The following CNOT6L variants were observed in gnomAD, a reference collection of about 807,000 sequenced individuals.
CNOT6L encodes the protein CCR4-NOT transcription complex subunit 6 like.
CNOT6L carries 7 observed loss-of-function variants against 64.0 expected under a neutral mutation model. The ratio of observed to expected loss-of-function variants is 0.11; its 90% CI spans 0.06 to 0.21. CNOT6L has a LOEUF of 0.21. Ranked by LOEUF, CNOT6L falls within the 10% of genes least tolerant of loss-of-function variation. The pLI is 1.00. For missense variants in CNOT6L, 245 were observed against 669.0 expected (o/e 0.37, Z 6.99); for synonymous variants, 193 against 243.4 (o/e 0.79, Z 1.93).
chr4:77,726,430 G>C, intron 10 of CNOT6L, 61 bp from the exon 11 acceptor site: 1 of 1,314,516 alleles, frequency 7.6e-7, no homozygotes, highest in Admixed American at 2.1e-5. Flanking sequence ...AGGCTTCACA[G>C]CCAAGACTTG....
chr4:77,737,406 C>CTTTTTTTTTTTTTTTTTTTTTTTTTT (rs56952956), intron 8 of CNOT6L, among the ~76,000 whole-genome samples: 2 of 82,382 alleles, frequency 2.4e-5, no homozygotes, highest in African/African-American at 9.5e-5. Flanking sequence ...TTGTACCGTT[C>CTTTTTTTTTTTTTTTTTTTTTTTTTT]TTTTTTTTTT....
rs189775445 is a variant in CNOT6L, at chr4:77,798,550, T to C, written c.5+20754A>G. On this transcript the variant is annotated intron_variant, in intron 1 of 11. Transcript: ENST00000504123. ...TAGAGAAGTGAAAATTAAACCACAA[T>C]GAGATTCTACTCTATACTTTGGCCT... is the stretch of plus-strand genomic sequence containing the variant. Among the ~76,000 whole-genome samples, 74 of 152,218 alleles carry C rather than the reference T, an allele frequency of 4.9e-4. 2 individuals carry two copies. Among genetic ancestry groups the C allele is most frequent in the Admixed American group, 9.8e-4 (15 of 15,282 alleles).
chr4:77,728,796 C>A, intron 10 of CNOT6L, 58 bp downstream of exon 10: 1 of 1,421,476 alleles, frequency 7.0e-7, no homozygotes, highest in South Asian at 1.2e-5. Context: ...GCTAGCTGGC[C>A]TTTGAACCAA....
At chr4:77,814,081 C>T (rs1192705831) in intron 1 of CNOT6L, among the ~76,000 whole-genome samples, 10 of 152,060 alleles carry the variant, frequency 6.6e-5, no homozygotes, top group African/African-American at 1.7e-4. Flanking sequence ...TGCTATGACA[C>T]GGATGAACCG....
At chr4:77,757,023 A>G in intron 4 of CNOT6L, 72 bp from the exon 5 acceptor site, 1 of 631,900 alleles carries the variant, frequency 1.6e-6, no homozygotes, top group Non-Finnish European at 2.7e-6. Context: ...TATACTATAA[A>G]ATAAAATACT....
At chr4:77,778,837 G>A (rs971491584) in intron 1 of CNOT6L, among the ~76,000 whole-genome samples, 34 of 151,462 alleles carry the variant, frequency 2.2e-4, no homozygotes, top group African/African-American at 8.2e-4. Context: ...AAGGTCAGGA[G>A]ATCGAGACCA....
chr4:77,739,550 A>G (rs1331523182), intron 8 of CNOT6L, among the ~76,000 whole-genome samples: 1 of 152,218 alleles, frequency 6.6e-6, no homozygotes, highest in East Asian at 1.9e-4. Context: ...AATTCCAAAT[A>G]GTTGGCACTG....
At chr4:77,818,900 T>G (rs950271462) in intron 1 of CNOT6L, 2 of 522,020 alleles carry the variant, frequency 3.8e-6, no homozygotes, top group Non-Finnish European at 7.1e-6. Flanking sequence ...CCAGCAGCTC[T>G]CCCAGCCCCG....
intron 1 of CNOT6L, among the ~76,000 whole-genome samples, chr4:77,780,302 C>T (rs1320446281): frequency 1.3e-5 from 2 of 152,138 alleles, no homozygotes; most frequent in Non-Finnish European, 2.9e-5. Flanking sequence ...TAATTTCAAA[C>T]TAATGAAGAG....
intron 8 of CNOT6L, among the ~76,000 whole-genome samples, chr4:77,735,790 A>AT (rs1434295937): frequency 4.6e-5 from 7 of 151,098 alleles, no homozygotes; most frequent in African/African-American, 1.7e-4. Flanking sequence ...TACAGTGCAT[A>AT]ATGTTAGTTA....
At chr4:77,752,050 G>C (rs775591400) in intron 5 of CNOT6L, among the ~76,000 whole-genome samples, 1 of 152,136 alleles carries the variant, frequency 6.6e-6, no homozygotes, top group Non-Finnish European at 1.5e-5. Context: ...ACGGGAGCCT[G>C]TAGTCCCTAG....
intron 11 of CNOT6L, among the ~76,000 whole-genome samples, chr4:77,723,067 C>G (rs1049226796): frequency 9.2e-5 from 14 of 152,100 alleles, no homozygotes; most frequent in Non-Finnish European, 1.6e-4. Flanking sequence ...GAAAAGTTTA[C>G]TATTTGCTAT....
chr4:77,734,363 A>C (rs961268811), intron 8 of CNOT6L, among the ~76,000 whole-genome samples: 1 of 152,154 alleles, frequency 6.6e-6, no homozygotes, highest in African/African-American at 2.4e-5. Context: ...ATACACACAC[A>C]TATTTTTACG....
chr4:77,737,338 G>C (rs1045235224), intron 8 of CNOT6L, among the ~76,000 whole-genome samples: 6 of 150,922 alleles, frequency 4.0e-5, no homozygotes, highest in African/African-American at 1.5e-4. Context: ...TAACTAATTG[G>C]AAAAGGTAAG....
intron 1 of CNOT6L, among the ~76,000 whole-genome samples, chr4:77,787,279 A>T (rs1461609343): frequency 6.6e-6 from 1 of 151,740 alleles, no homozygotes; most frequent in African/African-American, 2.4e-5. Flanking sequence ...AAATAATAAC[A>T]ATAATAATAA....
At chr4:77,766,219 T>C (rs1726800377) in intron 4 of CNOT6L, among the ~76,000 whole-genome samples, 1 of 152,162 alleles carries the variant, frequency 6.6e-6, no homozygotes, top group Non-Finnish European at 1.5e-5. Context: ...TGTATATGTA[T>C]ATATATATTT....
intron 1 of CNOT6L, among the ~76,000 whole-genome samples, chr4:77,779,460 CAG>C (rs1054332212): frequency 1.4e-4 from 21 of 152,008 alleles, no homozygotes; most frequent in Admixed American, 2.6e-4. Flanking sequence ...ATCTCTAAAA[CAG>C]ATATTATATA....
intron 1 of CNOT6L, among the ~76,000 whole-genome samples, chr4:77,817,112 T>A (rs1419749370): frequency 1.3e-5 from 2 of 152,188 alleles, no homozygotes; most frequent in Non-Finnish European, 1.5e-5. Flanking sequence ...AATGTTTAAC[T>A]GTATTGAAAC....
chr4:77,742,405 T>C lies in CNOT6L; in HGVS notation c.718-110A>G, dbSNP rs112875917. 31 of 1,000,224 alleles carry C rather than the reference T, an allele frequency of 3.1e-5. 1 individual carries two copies. The highest frequency in any genetic ancestry group is 2.7e-4 in the African/African-American group (17 of 61,876). The allele number at this position is 1,000,224 out of a possible 1,614,324, so 62.0% of individuals were successfully genotyped here. A position where few individuals can be genotyped will look rare whatever the true frequency, so the allele number is the denominator to read the frequency against. On this transcript the variant is annotated intron_variant, in intron 7 of 11. Transcript: ENST00000504123. Reference sequence around the variant, plus strand: ...TGTAACTTAGTAAAAATAATTCACATAGCAAATATTATCTTACTATCTTAC... The same window carrying C: ...TGTAACTTAGTAAAAATAATTCACACAGCAAATATTATCTTACTATCTTAC...
Sources: gnomAD v4.1 joint callset for allele counts (sites outside exome capture counted in the v4.1 genomes callset) on GRCh38, gnomAD v4.1.1 for gene constraint, MANE v1.5 for transcripts, NCBI Gene and HGNC (gene_info 2026-07-23, HGNC 2026-07-21) for gene names.